Variants in HAUS2 observed in about 807,000 individuals in gnomAD.
The protein encoded by HAUS2 is HAUS augmin like complex subunit 2.
In HAUS2, 20 loss-of-function variants were observed where a neutral mutation model predicts 21.6. The observed-to-expected ratio is 0.93, with a 90% CI of 0.65 to 1.35. The LOEUF (loss-of-function observed/expected upper bound fraction) is 1.35, where lower values mean the gene tolerates loss of function less well. HAUS2 is among the 40% of genes most tolerant of loss of function. The pLI is 0.00. For synonymous variants in HAUS2, 113 were observed against 95.6 expected (o/e 1.18, Z -1.06); for missense variants, 297 against 280.7 (o/e 1.06, Z -0.42).
intron 3 of HAUS2, among the ~76,000 whole-genome samples, chr15:42,560,440 G>A (rs2057837603): frequency 1.3e-5 from 2 of 152,040 alleles, no homozygotes; most frequent in Non-Finnish European, 2.9e-5. Flanking sequence ...AAAAGAAAAT[G>A]TAGCCAAATG....
In HAUS2 at chr15:42,569,889, G is replaced by A. The variant is rs1224695351; in HGVS notation, c.*3073G>A. The A allele has an allele frequency of 6.6e-6, 1 of 152,024 alleles. No individual in the cohort carries two copies. Among genetic ancestry groups the A allele is most frequent in the Non-Finnish European group, 1.5e-5 (1 of 67,994 alleles). 9.4% of individuals were successfully genotyped at this position (152,024 alleles called of 1,614,324 possible). On this transcript the variant is annotated 3_prime_UTR_variant, in exon 6 of 6. Transcript: ENST00000260372. ...CGTGTTATTTCCTATATTCATTTTT[G>A]TGTGTATGTGTATGTCACAAATATT...
At chr15:42,551,239 C>T (rs1288666891) in intron 1 of HAUS2, among the ~76,000 whole-genome samples, 2 of 151,842 alleles carry the variant, frequency 1.3e-5, no homozygotes, top group Non-Finnish European at 1.5e-5. Flanking sequence ...CTGCCTGTCT[C>T]GGCCTCCCAA....
In HAUS2 at chr15:42,558,322, T is replaced by TC; in HGVS notation, c.186+32_186+33insC. ...CATTTTGTTTTCACTTTCTTTTTTT[T>TC]TTTTTTTTTTTTTTTTGAGACGGAG... On this transcript the variant is annotated intron_variant, in intron 2 of 5. Transcript: ENST00000260372. 5 of 787,996 alleles carry TC rather than the reference T, an allele frequency of 6.3e-6. No homozygotes were observed. The East Asian group carries it at 1.3e-4, about 21-fold the overall frequency. 48.8% of individuals were successfully genotyped at this position (787,996 alleles called of 1,614,324 possible). A position where few individuals can be genotyped will look rare whatever the true frequency, so the allele number is the denominator to read the frequency against.
intron 4 of HAUS2, among the ~76,000 whole-genome samples, chr15:42,562,013 C>CAA (rs958151504): frequency 7.1e-6 from 1 of 141,164 alleles, no homozygotes; most frequent in African/African-American, 2.6e-5. Context: ...CCTGTTTCTA[C>CAA]AAAAAAAAAA....
intron 4 of HAUS2, among the ~76,000 whole-genome samples, chr15:42,562,372 A>G (rs2057861114): frequency 6.6e-6 from 1 of 152,166 alleles, no homozygotes; most frequent in Non-Finnish European, 1.5e-5. Flanking sequence ...GAGGTGGCTG[A>G]TCACTTGAGG....
At chr15:42,561,001 A>G in intron 3 of HAUS2, 1 of 587,200 alleles carries the variant, frequency 1.7e-6, no homozygotes, top group Non-Finnish European at 3.0e-6. Flanking sequence ...TAAGAAGTAG[A>G]GATGAGAAAC....
intron 5 of HAUS2, 98 bp from the exon 6 acceptor site, chr15:42,566,509 G>GA: frequency 1.4e-6 from 1 of 717,368 alleles, no homozygotes; most frequent in Admixed American, 2.4e-5. Flanking sequence ...TAAGGGGCTG[G>GA]AAAAAGATCA....
At chr15:42,557,311 A>T in intron 1 of HAUS2, among the ~76,000 whole-genome samples, 1 of 91,350 alleles carries the variant, frequency 1.1e-5, no homozygotes, top group Non-Finnish European at 2.2e-5. Flanking sequence ...GTGAGACTCC[A>T]TTTAAAAATA....
chr15:42,556,975 C>CA (rs1375087170), intron 1 of HAUS2, among the ~76,000 whole-genome samples: 1 of 151,540 alleles, frequency 6.6e-6, no homozygotes, highest in Non-Finnish European at 1.5e-5. Flanking sequence ...ATGCAAGAGG[C>CA]AGAGGTTGCA....
In HAUS2 at chr15:42,561,270, C is replaced by A; in HGVS notation, c.257C>A (p.Ala86Asp). 1.3e-6 allele frequency: 2 copies of A among 1,526,762 alleles called. No individual in the cohort carries two copies. Among genetic ancestry groups the A allele is most frequent in the Non-Finnish European group, 1.8e-6 (2 of 1,101,268 alleles). 94.6% of individuals were successfully genotyped at this position (1,526,762 alleles called of 1,614,324 possible). Residue 86 changes from alanine (A) to aspartate (D), a missense_variant and splice_region_variant, in exon 4 of 6, where the codon GCT (alanine) becomes GAT (aspartate). Physicochemically the swap from Ala to Asp is moderately radical, Grantham distance 126 (BLOSUM62 -2). Coordinates refer to ENST00000260372, the MANE Select transcript of HAUS2 (RefSeq NM_018097.3). ...AATTACTGTTTTTTAATTTGTATAG[C>A]TCAGAAGTGTCATACTCTGCAAAGC... is the stretch of plus-strand genomic sequence containing the variant. ...TADVVHPFFL[A>D]QKCHTLQSMN...
rs1321635472 is a variant in HAUS2, at chr15:42,566,709, A to G, written c.601A>G (p.Ile201Val). The G allele has an allele frequency of 6.4e-7, 1 of 1,568,156 alleles. No homozygotes were observed. Among genetic ancestry groups the G allele is most frequent in the African/African-American group, 1.4e-5 (1 of 73,992 alleles). ...ACAACAAAACGAAGTTTCGTCTTGTATCCCCAAAATATTAGCTGAAGAAAG... is the reference window on the plus strand; with the variant it reads ...ACAACAAAACGAAGTTTCGTCTTGTGTCCCCAAAATATTAGCTGAAGAAAG... ...RKQQNEVSSC[I>V]PKILAEESYL... Residue 201 changes from isoleucine (I) to valine (V), a missense_variant, in exon 6 of 6, where the codon ATC becomes GTC. Transcript: ENST00000260372.
chr15:42,565,737 C>T (rs572709509), intron 5 of HAUS2, among the ~76,000 whole-genome samples: 42 of 152,118 alleles, frequency 2.8e-4, no homozygotes, highest in East Asian at 3.9e-4. Context: ...GACTAATTAC[C>T]GTCATTCAGA....
At position 42,548,966 on chromosome 15, in the gene HAUS2, G is replaced by C. The variant is rs2057687162; in HGVS notation, c.93+1G>C. The C allele has an allele frequency of 6.5e-7, 1 of 1,535,804 alleles. No homozygotes were observed. Among genetic ancestry groups the C allele is most frequent in the South Asian group, 1.2e-5 (1 of 83,820 alleles). On this transcript the variant is annotated splice_donor_variant, in intron 1 of 5. Coordinates refer to ENST00000260372, the MANE Select transcript of HAUS2 (RefSeq NM_018097.3). LOFTEE classifies it high-confidence loss of function. ...CATAGCTTCGGGGATGGTCAATCAG[G>C]TACGTGGGGGTGGCGGTGGTGTCAT...
chr15:42,550,722 G>C (rs2057716959), intron 1 of HAUS2, among the ~76,000 whole-genome samples: 1 of 151,996 alleles, frequency 6.6e-6, no homozygotes, highest in Non-Finnish European at 1.5e-5. Context: ...AGGCTGGAGT[G>C]CAGTGGCACA....
In HAUS2 at chr15:42,559,409, G is replaced by A; in HGVS notation, c.256+1G>A. On this transcript the variant is annotated splice_donor_variant, in intron 3 of 5. Coordinates refer to ENST00000260372, the MANE Select transcript of HAUS2 (RefSeq NM_018097.3). LOFTEE classifies it high-confidence loss of function. ...GATGTTGTTCATCCTTTCTTTTTGG[G>A]TAAGTGGTTTGGTTAAGTGGATAAT... is the stretch of plus-strand genomic sequence containing the variant. 1 of 1,584,150 alleles carries A rather than the reference G, an allele frequency of 6.3e-7. No individual in the cohort carries two copies. Among genetic ancestry groups the A allele is most frequent in the Non-Finnish European group, 8.7e-7 (1 of 1,152,816 alleles).
rs543545829 is a variant in HAUS2 at position 42,558,211 on chromosome 15, T to C, written c.107T>C (p.Met36Thr). ...ATTTACCAATAGGAGATGTTAAACA[T>C]GTCTAAGAAAACAGTTTCTTGTTTT... ...SGMVNQEMLN[M>T]SKKTVSCFVN... is the part of the protein sequence containing the mutation. The change falls in exon 2 of 6, where the codon ATG becomes ACG. Residue 36 changes from methionine (M) to threonine (T), a missense_variant. By Grantham distance (81) the Met-to-Thr change is moderately conservative (BLOSUM62 -1). Transcript: ENST00000260372. The C allele has an allele frequency of 4.1e-6, 6 of 1,456,782 alleles. No individual in the cohort carries two copies. The Admixed American group carries it at 5.2e-5, about 13-fold the overall frequency. The allele number at this position is 1,456,782 out of a possible 1,614,324, so 90.2% of individuals were successfully genotyped here.
chr15:42,551,906 C>T (rs1169028024), intron 1 of HAUS2, among the ~76,000 whole-genome samples: 1 of 152,172 alleles, frequency 6.6e-6, no homozygotes, highest in African/African-American at 2.4e-5. Flanking sequence ...CTCCTTAAGA[C>T]TTCTGACAAC....
At chr15:42,563,303 T>G (rs1566835166) in intron 4 of HAUS2, among the ~76,000 whole-genome samples, 1 of 150,570 alleles carries the variant, frequency 6.6e-6, no homozygotes, top group East Asian at 2.0e-4. Flanking sequence ...TCCCAGCTAC[T>G]TGGGAGGCTG....
At chr15:42,549,645 T>G (rs1478440926) in intron 1 of HAUS2, among the ~76,000 whole-genome samples, 2 of 150,784 alleles carry the variant, frequency 1.3e-5, no homozygotes, top group East Asian at 3.9e-4. Context: ...GAGACGGGGT[T>G]TCACCTTGTA....
Sources: allele counts gnomAD v4.1 joint callset (sites outside exome capture counted in the v4.1 genomes callset), GRCh38; gene constraint gnomAD v4.1.1; transcripts MANE v1.5; gene names NCBI Gene and HGNC (gene_info 2026-07-23, HGNC 2026-07-21).